Variants in ARMC3 observed in about 807,000 individuals in gnomAD.
ARMC3 encodes armadillo repeat containing 3.
In ARMC3, 74 loss-of-function variants were observed where a neutral mutation model predicts 90.3. The ratio of observed to expected loss-of-function variants is 0.82; its 90% CI spans 0.68 to 0.99. ARMC3 has a LOEUF of 0.99. Ranked by LOEUF, ARMC3 falls within the 50% of genes least tolerant of loss-of-function variation. The pLI, the probability that ARMC3 is intolerant of heterozygous loss-of-function variation, is 0.00. For synonymous variants in ARMC3, 334 were observed against 361.8 expected, an observed-to-expected ratio of 0.92 and a Z score of 0.87; for missense variants, 958 against 1,042.8, an observed-to-expected ratio of 0.92 and a Z score of 1.12.
chr10:23,010,883 T>C (rs1053265341), intron 16 of ARMC3, among the ~76,000 whole-genome samples: 19 of 16,140 alleles, frequency 1.2e-3, no homozygotes, highest in South Asian at 2.4e-3. Context: ...TCCTTCCCTT[T>C]CCCTCCCACT....
chr10:22,993,522 T>TC (rs1436078011), intron 10 of ARMC3, among the ~76,000 whole-genome samples: 3 of 152,108 alleles, frequency 2.0e-5, no homozygotes, highest in African/African-American at 7.2e-5. Flanking sequence ...CTAAGCACTT[T>TC]CCCCCTCCCT....
chr10:23,013,146 G>A (rs759210776), intron 16 of ARMC3, among the ~76,000 whole-genome samples: 14 of 151,968 alleles, frequency 9.2e-5, no homozygotes, highest in Non-Finnish European at 1.3e-4. Flanking sequence ...TGATCTGCCT[G>A]CCTCGGCCTC....
intron 17 of ARMC3, 114 bp downstream of exon 17, chr10:23,030,910 C>T: frequency 9.1e-7 from 1 of 1,104,330 alleles, no homozygotes; most frequent in Non-Finnish European, 1.3e-6. Context: ...GTTTACAGCA[C>T]TCTGACTCTG....
chr10:22,932,354 C>T (rs1312404538), intron 2 of ARMC3, among the ~76,000 whole-genome samples: 1 of 152,104 alleles, frequency 6.6e-6, no homozygotes, highest in South Asian at 2.1e-4. Flanking sequence ...TTACATTTGC[C>T]AGCCTCTCAT....
intron 2 of ARMC3, among the ~76,000 whole-genome samples, chr10:22,940,838 T>C (rs1469523293): frequency 6.6e-6 from 1 of 152,178 alleles, no homozygotes; most frequent in Non-Finnish European, 1.5e-5. Flanking sequence ...GCCAGAAATT[T>C]TACTTCTGGG....
chr10:23,023,242 C>G (rs568465800), intron 16 of ARMC3, among the ~76,000 whole-genome samples: 17 of 152,218 alleles, frequency 1.1e-4, no homozygotes, highest in Non-Finnish European at 1.5e-4. Context: ...CAGTGGGAGT[C>G]CCAGCAGCCT....
At chr10:22,973,298 A>G (rs1335104975) in intron 8 of ARMC3, among the ~76,000 whole-genome samples, 2 of 100,332 alleles carry the variant, frequency 2.0e-5, no homozygotes, top group Non-Finnish European at 4.3e-5. Context: ...GACCCTTAAT[A>G]ATAATAATAA....
chr10:22,975,125 A>ATT (rs951680331), intron 8 of ARMC3, among the ~76,000 whole-genome samples: 2 of 152,206 alleles, frequency 1.3e-5, no homozygotes, highest in African/African-American at 4.8e-5. Context: ...TTCAGTTAAA[A>ATT]TTTTTTTAAG....
intron 2 of ARMC3, among the ~76,000 whole-genome samples, chr10:22,935,356 G>A (rs1834070108): frequency 6.6e-6 from 1 of 151,960 alleles, no homozygotes; most frequent in South Asian, 2.1e-4. Flanking sequence ...ACACTACTAT[G>A]GACTTTAAAA....
At chr10:22,971,625 G>C (rs540188235) in intron 8 of ARMC3, among the ~76,000 whole-genome samples, 1 of 151,880 alleles carries the variant, frequency 6.6e-6, no homozygotes, top group Non-Finnish European at 1.5e-5. Context: ...ATTTGTAGTA[G>C]AGACATGATT....
intron 16 of ARMC3, among the ~76,000 whole-genome samples, chr10:23,020,832 T>C (rs956553998): frequency 2.0e-5 from 3 of 152,190 alleles, no homozygotes; most frequent in African/African-American, 7.2e-5. Flanking sequence ...GTTCAGAGGG[T>C]ACAGGTGCAG....
In ARMC3 at chr10:23,003,418, A is replaced by C; in HGVS notation, c.1731+4A>C. 4 of 1,585,818 alleles carry C rather than the reference A, an allele frequency of 2.5e-6. No homozygotes were observed. The highest frequency in any genetic ancestry group is 1.7e-4 in the Middle Eastern group (1 of 5,840). On this transcript the variant is annotated splice_donor_region_variant and intron_variant, in intron 13 of 18. Coordinates refer to ENST00000298032, the MANE Select transcript of ARMC3 (RefSeq NM_173081.5). ...TGGATTCTATGATTATGGTCGGGTAAGTGACAGCATTTATTTGTAGTTTAG... is the reference window on the plus strand; with the variant it reads ...TGGATTCTATGATTATGGTCGGGTACGTGACAGCATTTATTTGTAGTTTAG...
intron 2 of ARMC3, among the ~76,000 whole-genome samples, chr10:22,935,705 A>T (rs1015976753): frequency 6.6e-6 from 1 of 152,236 alleles, no homozygotes; most frequent in Non-Finnish European, 1.5e-5. Flanking sequence ...CATAAACAAT[A>T]TACATATATA....
At chr10:23,016,150 C>T (rs754916559) in intron 16 of ARMC3, among the ~76,000 whole-genome samples, 1 of 152,182 alleles carries the variant, frequency 6.6e-6, no homozygotes, top group Non-Finnish European at 1.5e-5. Context: ...CTCCTGGAGA[C>T]TTTCACATCT....
intron 1 of ARMC3, among the ~76,000 whole-genome samples, chr10:22,930,594 C>A (rs2131108957): frequency 6.6e-6 from 1 of 152,276 alleles, no homozygotes; most frequent in African/African-American, 2.4e-5. Context: ...GAATAAATGC[C>A]TTTCAGAAGT....
chr10:23,015,977 G>C (rs979808936), intron 16 of ARMC3, among the ~76,000 whole-genome samples: 2 of 151,992 alleles, frequency 1.3e-5, no homozygotes, highest in African/African-American at 4.8e-5. Flanking sequence ...CTAGTGAGAA[G>C]ACAGACAACA....
chr10:22,986,213 C>T (rs1354494921), intron 10 of ARMC3, among the ~76,000 whole-genome samples: 1 of 150,878 alleles, frequency 6.6e-6, no homozygotes, highest in East Asian at 2.0e-4. Flanking sequence ...CACTGTCCAT[C>T]CCATAGTAGG....
intron 16 of ARMC3, among the ~76,000 whole-genome samples, chr10:23,023,918 TAGGGCTGAAAGAGTATTCAAAC>T (rs1838610485): frequency 6.6e-6 from 1 of 151,910 alleles, no homozygotes; most frequent in African/African-American, 2.4e-5. Flanking sequence ...GGAGAGAGGG[TAGGGCTGAAAGAGTATTCAAAC>T]AGGTAATGAT....
chr10:22,939,602 A>T (rs1834245321), intron 2 of ARMC3, among the ~76,000 whole-genome samples: 1 of 152,190 alleles, frequency 6.6e-6, no homozygotes, highest in Non-Finnish European at 1.5e-5. Flanking sequence ...CTTTAAATAG[A>T]TTAACCTGAT....
Sources: allele counts gnomAD v4.1 joint callset (sites outside exome capture counted in the v4.1 genomes callset), GRCh38; gene constraint gnomAD v4.1.1; transcripts MANE v1.5; gene names NCBI Gene and HGNC (gene_info 2026-07-23, HGNC 2026-07-21).